Variants in ASTN2 observed in about 807,000 individuals in gnomAD.
ASTN2 encodes the protein astrotactin 2, also known as astrotactin-2.
A neutral mutation model predicts 139.8 loss-of-function variants in ASTN2; 54 were observed. The observed-to-expected ratio is 0.39, with a 90% CI of 0.31 to 0.48. ASTN2 has a LOEUF of 0.48. ASTN2 is among the 20% of genes least tolerant of loss of function. The probability of loss-of-function intolerance (pLI) is 0.95; values close to 1 mark genes in which losing one functional copy is unlikely to be tolerated. For missense variants in ASTN2, 1,565 were observed against 1,725.1 expected (o/e 0.91, Z 1.64); for synonymous variants, 756 against 719.5 (o/e 1.05, Z -0.81).
chr9:116,440,653 C>T lies in ASTN2; in HGVS notation c.3738G>A (p.Lys1246=). The part of the protein sequence containing the change: ...VQHHYNSHYE[K]FGDFVWRSED... Reference sequence around the variant, plus strand: ...CACTTCTCCAGACGAAGTCGCCAAACTTTTCATAGTGAGAGTTGTAGTGGT... The same window carrying T: ...CACTTCTCCAGACGAAGTCGCCAAATTTTTCATAGTGAGAGTTGTAGTGGT... The change falls in exon 22 of 23, where the codon AAG becomes AAA. Residue 1246 remains lysine, a synonymous_variant. Coordinates refer to ENST00000313400, the MANE Select transcript of ASTN2 (RefSeq NM_001365068.1). The T allele has an allele frequency of 2.5e-6, 4 of 1,614,144 alleles. No individual in the cohort carries two copies. Among genetic ancestry groups the T allele is most frequent in the Non-Finnish European group, 3.4e-6 (4 of 1,180,052 alleles).
At chr9:116,867,233 G>C (rs1246719802) in intron 10 of ASTN2, among the ~76,000 whole-genome samples, 1 of 152,104 alleles carries the variant, frequency 6.6e-6, no homozygotes, top group Non-Finnish European at 1.5e-5. Flanking sequence ...GCATACTCAA[G>C]GTAAACAGAA....
At chr9:116,878,236 A>G (rs758937618) in intron 10 of ASTN2, among the ~76,000 whole-genome samples, 10 of 152,246 alleles carry the variant, frequency 6.6e-5, no homozygotes, top group Non-Finnish European at 1.3e-4. Flanking sequence ...CCTTTCCATT[A>G]TAAAGATACA....
intron 1 of ASTN2, among the ~76,000 whole-genome samples, chr9:117,355,629 T>C (rs1392593902): frequency 6.6e-6 from 1 of 152,132 alleles, no homozygotes. Context: ...TCAAGATTCC[T>C]GGGTACCAGA....
chr9:116,614,944 G>A (rs972403970), intron 19 of ASTN2, among the ~76,000 whole-genome samples: 3 of 152,124 alleles, frequency 2.0e-5, no homozygotes, highest in East Asian at 3.9e-4. Flanking sequence ...GCAACCTACA[G>A]AATGGGAGAA....
chr9:116,996,587 C>T (rs1837023618), intron 7 of ASTN2, among the ~76,000 whole-genome samples: 1 of 151,996 alleles, frequency 6.6e-6, no homozygotes. Context: ...CTAAAGAATA[C>T]AGTTTATAAG....
chr9:116,988,438 TAGAAAAA>T, intron 7 of ASTN2, among the ~76,000 whole-genome samples: 1 of 152,260 alleles, frequency 6.6e-6, no homozygotes, highest in Non-Finnish European at 1.5e-5. Flanking sequence ...GGTTATCACT[TAGAAAAA>T]GGAAAATACC....
At chr9:117,336,399 G>T (rs1214104964) in intron 1 of ASTN2, among the ~76,000 whole-genome samples, 1 of 152,130 alleles carries the variant, frequency 6.6e-6, no homozygotes, top group South Asian at 2.1e-4. Flanking sequence ...GAGGTGAAAA[G>T]GGGAAGTCAG....
chr9:117,021,877 A>G (rs1050684694), intron 6 of ASTN2, among the ~76,000 whole-genome samples: 4 of 152,214 alleles, frequency 2.6e-5, no homozygotes, highest in African/African-American at 4.8e-5. Flanking sequence ...CTGGATAAAT[A>G]TTAGCTATTC....
chr9:116,907,503 A>T (rs570903297), intron 10 of ASTN2, among the ~76,000 whole-genome samples: 1 of 152,278 alleles, frequency 6.6e-6, no homozygotes, highest in East Asian at 1.9e-4. Context: ...CTTTGTCTGG[A>T]AAGGCAGACC....
At chr9:117,380,472 T>G (rs1021823800) in intron 1 of ASTN2, among the ~76,000 whole-genome samples, 3 of 151,644 alleles carry the variant, frequency 2.0e-5, no homozygotes, top group Admixed American at 6.6e-5. Context: ...GGGGGTGGTG[T>G]TGTGCGCCTG....
At position 117,095,944 on chromosome 9, in the gene ASTN2, G is replaced by A. The variant is rs987675639; in HGVS notation, c.1276+100C>T. On this transcript the variant is annotated intron_variant, in intron 5 of 22. Transcript: ENST00000313400. ...CTCAGTTTTAACCAGATGGGGACCA[G>A]GTTAGAGAAGATTTAGGATTTGCTA... 6.2e-6 allele frequency: 7 copies of A among 1,121,912 alleles called. No homozygotes were observed. The African/African-American group carries it at 9.2e-5, about 15-fold the overall frequency. The allele number at this position is 1,121,912 out of a possible 1,614,324, so 69.5% of individuals were successfully genotyped here.
chr9:117,146,878 T>A (rs1216717490), intron 3 of ASTN2, among the ~76,000 whole-genome samples: 2 of 152,184 alleles, frequency 1.3e-5, no homozygotes, highest in African/African-American at 4.8e-5. Flanking sequence ...ATTGTATTTT[T>A]TCAAATAGCT....
chr9:116,701,904 T>G (rs1827827802), intron 16 of ASTN2, among the ~76,000 whole-genome samples: 1 of 151,626 alleles, frequency 6.6e-6, no homozygotes, highest in Admixed American at 6.6e-5. Flanking sequence ...TTTGCTTTGT[T>G]TTTTAAAGCA....
intron 2 of ASTN2, among the ~76,000 whole-genome samples, chr9:117,222,155 G>A (rs12339678): frequency 0.049 from 7,521 of 151,964 alleles, 368 homozygotes; most frequent in African/African-American, 0.13. Context: ...CTTACTTACC[G>A]TAACTAAGGC....
intron 13 of ASTN2, among the ~76,000 whole-genome samples, chr9:116,772,452 T>C (rs1829977317): frequency 6.6e-6 from 1 of 152,202 alleles, no homozygotes. Flanking sequence ...TGTGAGTTCA[T>C]TAAACCTCTT....
chr9:116,598,656 T>C (rs923939335), intron 19 of ASTN2, among the ~76,000 whole-genome samples: 1 of 152,222 alleles, frequency 6.6e-6, no homozygotes, highest in Non-Finnish European at 1.5e-5. Flanking sequence ...AACTTCATCA[T>C]AGAATTATTG....
At chr9:117,165,177 A>ATCCCTT (rs1564457338) in intron 3 of ASTN2, among the ~76,000 whole-genome samples, 1 of 151,710 alleles carries the variant, frequency 6.6e-6, no homozygotes, top group Non-Finnish European at 1.5e-5. Context: ...TGCCTATTCC[A>ATCCCTT]TCCCTCTCCC....
At chr9:117,107,098 C>T (rs1278535613) in intron 4 of ASTN2, among the ~76,000 whole-genome samples, 1 of 152,086 alleles carries the variant, frequency 6.6e-6, no homozygotes, top group Non-Finnish European at 1.5e-5. Context: ...ATTAAAATGT[C>T]ATAAATATTA....
intron 19 of ASTN2, among the ~76,000 whole-genome samples, chr9:116,509,375 A>G (rs1306820438): frequency 6.6e-6 from 1 of 152,160 alleles, no homozygotes; most frequent in East Asian, 1.9e-4. Context: ...TCCATGGTGT[A>G]TATGTGCCAC....
Sources: gnomAD v4.1 joint callset for allele counts (sites outside exome capture counted in the v4.1 genomes callset) on GRCh38, gnomAD v4.1.1 for gene constraint, MANE v1.5 for transcripts, NCBI Gene and HGNC (gene_info 2026-07-23, HGNC 2026-07-21) for gene names.